Variants in CLDN14 observed in about 807,000 individuals in gnomAD.
The protein encoded by CLDN14 is claudin-14.
In CLDN14, 2 loss-of-function variants were observed where a neutral mutation model predicts 2.1. The ratio of observed to expected loss-of-function variants is 0.96; its 90% confidence interval spans 0.39 to 3.01. The LOEUF is 3.01. Among genes scored for constraint, CLDN14 ranks in the 30% most tolerant of loss-of-function variants. The probability of loss-of-function intolerance (pLI) is 0.09; values close to 1 mark genes in which losing one functional copy is unlikely to be tolerated. For missense variants in CLDN14, 298 were observed against 328.0 expected (o/e 0.91, Z 0.71); for synonymous variants, 136 against 154.4 (o/e 0.88, Z 0.88).
chr21:36,494,591 A>G (rs1223477456), intron 2 of CLDN14, among the ~76,000 whole-genome samples: 1 of 152,190 alleles, frequency 6.6e-6, no homozygotes, highest in African/African-American at 2.4e-5. Context: ...CAAAGAGGCG[A>G]TTCAGTTAAA....
At chr21:36,527,705 C>T (rs2087344813) in intron 1 of CLDN14, among the ~76,000 whole-genome samples, 1 of 152,094 alleles carries the variant, frequency 6.6e-6, no homozygotes, top group African/African-American at 2.4e-5. Flanking sequence ...ATAGGAGAAA[C>T]AACAGGTCAC....
intron 1 of CLDN14, among the ~76,000 whole-genome samples, chr21:36,538,650 C>G (rs2087452543): frequency 6.6e-6 from 1 of 152,084 alleles, no homozygotes; most frequent in Non-Finnish European, 1.5e-5. Context: ...GAAGAGACAG[C>G]ATTTCAGAAG....
At chr21:36,487,564 T>C (rs2086910841) in intron 2 of CLDN14, 1 of 152,442 alleles carries the variant, frequency 6.6e-6, no homozygotes, top group Non-Finnish European at 1.5e-5. Flanking sequence ...TTGATGGCAA[T>C]GTATTTAATA....
At chr21:36,507,985 C>T (rs1000570269) in intron 2 of CLDN14, among the ~76,000 whole-genome samples, 2 of 152,144 alleles carry the variant, frequency 1.3e-5, no homozygotes, top group Admixed American at 1.3e-4. Flanking sequence ...TAAAAATATA[C>T]ACACATATAT....
chr21:36,539,437 ATGAGTGTGTGTGCAGAG>A (rs1340715345), intron 1 of CLDN14, among the ~76,000 whole-genome samples: 1 of 107,620 alleles, frequency 9.3e-6, no homozygotes, highest in South Asian at 3.3e-4. Flanking sequence ...TGTGTGTGGA[ATGAGTGTGTGTGCAGAG>A]TGAGTGTGTG....
chr21:36,475,629 C>A (rs960279249), intron 1 of CLDN14, among the ~76,000 whole-genome samples: 1 of 152,166 alleles, frequency 6.6e-6, no homozygotes, highest in East Asian at 1.9e-4. Flanking sequence ...CGGCTCCCTG[C>A]GGCCTTGACC....
At chr21:36,557,944 T>C (rs781284075) in intron 1 of CLDN14, among the ~76,000 whole-genome samples, 1 of 152,212 alleles carries the variant, frequency 6.6e-6, no homozygotes, top group Non-Finnish European at 1.5e-5. Context: ...TATTTTGAGT[T>C]GATTTGTGTG....
intron 1 of CLDN14, among the ~76,000 whole-genome samples, chr21:36,573,445 G>A (rs2087723126): frequency 6.6e-6 from 1 of 152,156 alleles, no homozygotes. Context: ...TGGGTATTAT[G>A]TAGAAGCTTA....
chr21:36,482,339 TGG>T, upstream of CLDN14, among the ~76,000 whole-genome samples: 3 of 54,978 alleles, frequency 5.5e-5, no homozygotes, highest in African/African-American at 6.8e-4. Context: ...GATGGATGGA[TGG>T]ATGGATGGAT....
intron 1 of CLDN14, among the ~76,000 whole-genome samples, chr21:36,524,504 A>C (rs890405204): frequency 7.9e-5 from 12 of 152,212 alleles, no homozygotes; most frequent in African/African-American, 2.9e-4. Flanking sequence ...TATGCCACTG[A>C]CAGAAAATTC....
At chr21:36,549,740 G>C (rs2087550717) in intron 1 of CLDN14, among the ~76,000 whole-genome samples, 1 of 152,312 alleles carries the variant, frequency 6.6e-6, no homozygotes, top group African/African-American at 2.4e-5. Flanking sequence ...GTGAGACAAG[G>C]GTGGACATCG....
chr21:36,564,498 C>A (rs2087658700), intron 1 of CLDN14, among the ~76,000 whole-genome samples: 1 of 152,186 alleles, frequency 6.6e-6, no homozygotes, highest in African/African-American at 2.4e-5. Flanking sequence ...TGGAGGACAG[C>A]CTTGGCTGAC....
intron 1 of CLDN14, among the ~76,000 whole-genome samples, chr21:36,573,321 T>C (rs1167165467): frequency 7.1e-6 from 1 of 140,318 alleles, no homozygotes; most frequent in Non-Finnish European, 1.6e-5. Context: ...AAAAAAGAAT[T>C]GGAGGGAAAA....
At chr21:36,464,392 G>A (rs2086619539) in intron 1 of CLDN14, among the ~76,000 whole-genome samples, 1 of 152,168 alleles carries the variant, frequency 6.6e-6, no homozygotes, top group Non-Finnish European at 1.5e-5. Flanking sequence ...TTCTGCTGCT[G>A]TTTTTCTGCT....
chr21:36,475,803 A>T lies in CLDN14; in HGVS notation c.-82+3692T>A, dbSNP rs2850108. Among the ~76,000 whole-genome samples the T allele has an allele frequency of 2.8e-3, 425 of 151,980 alleles. 1 individual carries two copies. The highest frequency in any genetic ancestry group is 0.024 in the Middle Eastern group (7 of 294). On this transcript the variant is annotated intron_variant, in intron 1 of 1. Coordinates refer to ENST00000399135, the MANE Select transcript of CLDN14 (RefSeq NM_001146079.2). ...CTTGCTCTGTCACCCAGGCTGGAGCACAGTAGGATTACAGGTGCACGCCAC... is the reference window on the plus strand; with the variant it reads ...CTTGCTCTGTCACCCAGGCTGGAGCTCAGTAGGATTACAGGTGCACGCCAC...
chr21:36,561,152 C>T (rs953994514), intron 1 of CLDN14, among the ~76,000 whole-genome samples: 7 of 152,152 alleles, frequency 4.6e-5, no homozygotes, highest in Admixed American at 3.9e-4. Flanking sequence ...CAGACCCACT[C>T]TGAGTGGTTT....
At chr21:36,511,363 A>G (rs1458024952) in intron 1 of CLDN14, among the ~76,000 whole-genome samples, 2 of 152,198 alleles carry the variant, frequency 1.3e-5, no homozygotes, top group Non-Finnish European at 1.5e-5. Flanking sequence ...TACTTAGACC[A>G]GATCCCGTAT....
rs929237482 is a variant in CLDN14 at position 36,551,149 on chromosome 21, C to T, written c.-220+25262G>A. Among the ~76,000 whole-genome samples the T allele has an allele frequency of 1.3e-5, 2 of 152,192 alleles. No individual in the cohort carries two copies. Among genetic ancestry groups the T allele is most frequent in the Non-Finnish European group, 2.9e-5 (2 of 68,030 alleles). On this transcript the variant is annotated intron_variant, in intron 1 of 2. Coordinates refer to the CLDN14 transcript ENST00000342108. This position sits in a 1 kb window ranked among gnomAD's most constrained non-coding sequence, Gnocchi z 4.8. ...TCCAGAAGGAACCAGCCCTTCCTAC[C>T]CCGCAATTTCGGACTTCCTGTTCCC...
At chr21:36,537,606 A>T (rs1273464259) in intron 1 of CLDN14, among the ~76,000 whole-genome samples, 1 of 45,972 alleles carries the variant, frequency 2.2e-5, no homozygotes, top group South Asian at 1.1e-3. Context: ...TATCATGATC[A>T]TTTACAATTT....
Sources: allele counts gnomAD v4.1 joint callset (sites outside exome capture counted in the v4.1 genomes callset), GRCh38; gene constraint gnomAD v4.1.1; non-coding constraint Gnocchi (gnomAD v3.1); transcripts MANE v1.5; gene names NCBI Gene and HGNC (gene_info 2026-07-23, HGNC 2026-07-21).